SNTG1: variants seen among roughly 807,000 people sequenced by gnomAD.
SNTG1 encodes syntrophin gamma 1.
Under a neutral mutation model 74.7 loss-of-function variants are expected in SNTG1, and 39 were observed. That is an observed-to-expected ratio of 0.52 (90% CI 0.40 to 0.68). SNTG1 has a LOEUF of 0.68. SNTG1 is among the 30% of genes least tolerant of loss of function. The probability of loss-of-function intolerance (pLI) is 0.00; values close to 1 mark genes in which losing one functional copy is unlikely to be tolerated. For missense variants in SNTG1, 685 were observed against 609.5 expected, an observed-to-expected ratio of 1.12 and a Z score of -1.30; for synonymous variants, 254 against 217.1, an observed-to-expected ratio of 1.17 and a Z score of -1.49.
chr8:49,995,087 T>C (rs12375264), intron 1 of SNTG1, among the ~76,000 whole-genome samples: 97,970 of 152,018 alleles, frequency 0.64, 35,569 homozygotes, highest in East Asian at 0.83. Context: ...GAAAGACTAA[T>C]GGAAATGAAG....
chr8:50,626,490 C>A (rs924636461), intron 13 of SNTG1, among the ~76,000 whole-genome samples: 1 of 152,180 alleles, frequency 6.6e-6, no homozygotes, highest in African/African-American at 2.4e-5. Flanking sequence ...CTGAGATCCC[C>A]AAACAGAGTT....
chr8:50,060,147 A>C (rs1563535938), intron 1 of SNTG1, among the ~76,000 whole-genome samples: 1 of 152,062 alleles, frequency 6.6e-6, no homozygotes, highest in Non-Finnish European at 1.5e-5. Flanking sequence ...ATTTGTATAG[A>C]TTCTTTGGAG....
chr8:50,401,145 T>C (rs555486403), intron 3 of SNTG1, among the ~76,000 whole-genome samples: 47 of 152,258 alleles, frequency 3.1e-4, no homozygotes, highest in Non-Finnish European at 5.1e-4. Flanking sequence ...TCCCCATATA[T>C]ATATTCCACT....
At position 50,477,052 on chromosome 8, in the gene SNTG1, G is replaced by A. The variant is rs569501410; in HGVS notation, c.364-25726G>A. Reference sequence around the variant, plus strand: ...ATGAAATACATATCTATGAGTCCTCGGTGACATAGATGATTGAATCATTAA... The same window carrying A: ...ATGAAATACATATCTATGAGTCCTCAGTGACATAGATGATTGAATCATTAA... On this transcript the variant is annotated intron_variant, in intron 8 of 18. Transcript: ENST00000642720. Among the ~76,000 whole-genome samples, 120 of 152,154 alleles carry A rather than the reference G, an allele frequency of 7.9e-4. No individual in the cohort carries two copies. In the Middle Eastern group the frequency reaches 0.014, roughly 17 times the overall value.
intron 2 of SNTG1, among the ~76,000 whole-genome samples, chr8:50,253,941 A>G (rs1464812101): frequency 6.6e-6 from 1 of 152,046 alleles, no homozygotes; most frequent in Non-Finnish European, 1.5e-5. Flanking sequence ...TGAATGAATA[A>G]CCATTGATAA....
At chr8:50,506,085 T>C (rs2094003984) in intron 9 of SNTG1, among the ~76,000 whole-genome samples, 1 of 152,032 alleles carries the variant, frequency 6.6e-6, no homozygotes, top group South Asian at 2.1e-4. Context: ...GTTTTCCCAA[T>C]ATAATTAATT....
chr8:50,235,760 C>T (rs36048491), intron 2 of SNTG1, among the ~76,000 whole-genome samples: 5,587 of 152,032 alleles, frequency 0.037, 144 homozygotes, highest in Non-Finnish European at 0.056. Context: ...GGTGTTCTTT[C>T]CCTAAATGCA....
intron 2 of SNTG1, among the ~76,000 whole-genome samples, chr8:50,276,574 C>G (rs371957998): frequency 4.6e-5 from 7 of 151,976 alleles, no homozygotes; most frequent in African/African-American, 1.7e-4. Flanking sequence ...CTCATTTGGG[C>G]AAGACACTGA....
At chr8:50,249,610 G>T (rs1195823974) in intron 2 of SNTG1, among the ~76,000 whole-genome samples, 1 of 152,150 alleles carries the variant, frequency 6.6e-6, no homozygotes, top group Non-Finnish European at 1.5e-5. Context: ...TTCCATGCCT[G>T]CATGTGTCCT....
chr8:50,008,263 G>C (rs983618174), intron 1 of SNTG1, among the ~76,000 whole-genome samples: 1 of 152,138 alleles, frequency 6.6e-6, no homozygotes, highest in African/African-American at 2.4e-5. Context: ...AACATTATCA[G>C]ACCCTCTGTA....
At chr8:50,454,679 T>C (rs1291712233) in intron 8 of SNTG1, among the ~76,000 whole-genome samples, 2 of 150,590 alleles carry the variant, frequency 1.3e-5, no homozygotes, top group Admixed American at 6.6e-5. Flanking sequence ...CTATCTCTAC[T>C]AAAAATACAA....
intron 1 of SNTG1, among the ~76,000 whole-genome samples, chr8:49,998,753 C>A (rs576251372): frequency 2.0e-5 from 3 of 152,072 alleles, no homozygotes; most frequent in Non-Finnish European, 2.9e-5. Flanking sequence ...GATAATGATG[C>A]CTTCATCTGG....
chr8:50,783,711 G>A (rs952628991), intron 18 of SNTG1, among the ~76,000 whole-genome samples: 1 of 152,162 alleles, frequency 6.6e-6, no homozygotes, highest in African/African-American at 2.4e-5. Context: ...CCAGTGTCCT[G>A]CGCCCACTGT....
At position 50,719,027 on chromosome 8, in the gene SNTG1, T is replaced by G. The variant is rs146851367; in HGVS notation, c.1284+10049T>G. Among the ~76,000 whole-genome samples, 1,433 of 152,330 alleles carry G rather than the reference T, an allele frequency of 9.4e-3. 31 individuals carry two copies. The highest frequency in any genetic ancestry group is 0.032 in the African/African-American group (1,324 of 41,572). ...ACTATCCATTGAACTGGCAACTGTG[T>G]GTTCATATGTTAAAAAGAAATAAAT... On this transcript the variant is annotated intron_variant, in intron 17 of 18. Transcript: ENST00000642720.
At chr8:50,138,154 T>A (rs1359005385) in intron 1 of SNTG1, among the ~76,000 whole-genome samples, 1 of 152,110 alleles carries the variant, frequency 6.6e-6, no homozygotes, top group Admixed American at 6.6e-5. Context: ...GTGTGAGGAC[T>A]TTAACAGTCT....
At chr8:50,667,695 G>C (rs2095257389) in intron 15 of SNTG1, among the ~76,000 whole-genome samples, 2 of 151,838 alleles carry the variant, frequency 1.3e-5, no homozygotes, top group South Asian at 4.2e-4. Flanking sequence ...TCAAACCATA[G>C]TACCATCTTA....
intron 4 of SNTG1, among the ~76,000 whole-genome samples, chr8:50,432,070 G>C (rs1209883486): frequency 6.6e-6 from 1 of 151,988 alleles, no homozygotes; most frequent in African/African-American, 2.4e-5. Context: ...TCATACTTTT[G>C]GTGTTGTATC....
At chr8:50,650,923 A>T (rs1363435435) in intron 13 of SNTG1, among the ~76,000 whole-genome samples, 1 of 152,030 alleles carries the variant, frequency 6.6e-6, no homozygotes, top group Non-Finnish European at 1.5e-5. Context: ...CTGGTCTCGA[A>T]CTCTTGACCT....
chr8:50,371,229 T>TG, intron 2 of SNTG1, among the ~76,000 whole-genome samples: 1 of 152,312 alleles, frequency 6.6e-6, no homozygotes, highest in East Asian at 1.9e-4. Flanking sequence ...TTATGTGGCG[T>TG]GAGCTGCCCA....
Sources: allele counts gnomAD v4.1 joint callset (sites outside exome capture counted in the v4.1 genomes callset), GRCh38; gene constraint gnomAD v4.1.1; transcripts MANE v1.5; gene names NCBI Gene and HGNC (gene_info 2026-07-23, HGNC 2026-07-21).